CSMD1: variants seen among roughly 807,000 people sequenced by gnomAD.
CSMD1 encodes the protein CUB and Sushi multiple domains 1.
Under a neutral mutation model 417.5 loss-of-function variants are expected in CSMD1, and 213 were observed. The observed-to-expected ratio is 0.51, with a 90% confidence interval of 0.46 to 0.57. CSMD1 has a LOEUF of 0.57. CSMD1 is among the 20% of genes least tolerant of loss of function. CSMD1 has a pLI of 0.00. For synonymous variants in CSMD1, 2,862 were observed against 1,736.8 expected (o/e 1.65, Z -16.11); for missense variants, 6,923 against 4,529.7 (o/e 1.53, Z -15.17).
At chr8:3,323,783 C>A (rs977374757) in intron 23 of CSMD1, among the ~76,000 whole-genome samples, 3 of 137,188 alleles carry the variant, frequency 2.2e-5, no homozygotes, top group Admixed American at 8.0e-5. Context: ...AATAGGCCCA[C>A]ATCCAACCCC....
intron 3 of CSMD1, among the ~76,000 whole-genome samples, chr8:4,066,659 T>C (rs796245726): frequency 2.6e-5 from 4 of 152,180 alleles, no homozygotes; most frequent in Admixed American, 2.6e-4. Flanking sequence ...TTTTTGCTCA[T>C]CAAACCAAGA....
intron 3 of CSMD1, among the ~76,000 whole-genome samples, chr8:4,342,235 GTGTGTGTGTGTGTGT>G (rs1563074090): frequency 6.6e-6 from 1 of 151,244 alleles, no homozygotes; most frequent in Non-Finnish European, 1.5e-5. Flanking sequence ...GTGTGTGTCT[GTGTGTGTGTGTGTGT>G]CTCTGTATGT....
chr8:3,149,728 C>T (rs935634956), intron 40 of CSMD1, among the ~76,000 whole-genome samples: 4 of 152,140 alleles, frequency 2.6e-5, no homozygotes, highest in Non-Finnish European at 4.4e-5. Flanking sequence ...CACCGGCCTT[C>T]GCCTCCCAAT....
intron 3 of CSMD1, among the ~76,000 whole-genome samples, chr8:4,289,671 C>T (rs374971612): frequency 6.6e-6 from 1 of 152,162 alleles, no homozygotes; most frequent in Non-Finnish European, 1.5e-5. Flanking sequence ...GTAACATGTG[C>T]TCAAGACATG....
chr8:4,131,503 A>G (rs1336948138), intron 3 of CSMD1, among the ~76,000 whole-genome samples: 1 of 152,208 alleles, frequency 6.6e-6, no homozygotes, highest in Non-Finnish European at 1.5e-5. Flanking sequence ...CCCCTTGGAT[A>G]TTCACTAAAC....
At chr8:4,912,402 G>T (rs992125639) in intron 1 of CSMD1, among the ~76,000 whole-genome samples, 5 of 151,534 alleles carry the variant, frequency 3.3e-5, no homozygotes, top group African/African-American at 1.2e-4. Context: ...TTGCTGTGGG[G>T]TTGTCTAGAT....
At chr8:3,043,689 T>C (rs527266333) in intron 50 of CSMD1, 1 of 152,144 alleles carries the variant, frequency 6.6e-6, no homozygotes, top group African/African-American at 2.4e-5. Context: ...CACACATTTA[T>C]TAAACATATT....
At chr8:4,070,206 G>C (rs922429179) in intron 3 of CSMD1, among the ~76,000 whole-genome samples, 2 of 151,540 alleles carry the variant, frequency 1.3e-5, no homozygotes, top group Non-Finnish European at 2.9e-5. Context: ...TTTTTTCTGT[G>C]TTTCTTGTCT....
chr8:4,624,792 C>A (rs1802001547), intron 2 of CSMD1, among the ~76,000 whole-genome samples: 1 of 152,138 alleles, frequency 6.6e-6, no homozygotes. Flanking sequence ...TGACCCTAGT[C>A]AAGTCCAGAA....
intron 1 of CSMD1, among the ~76,000 whole-genome samples, chr8:4,729,766 C>A (rs540792125): frequency 2.0e-4 from 31 of 152,282 alleles, no homozygotes; most frequent in African/African-American, 6.5e-4. Flanking sequence ...TCATAAACAA[C>A]TTAACACATG....
intron 5 of CSMD1, among the ~76,000 whole-genome samples, chr8:3,979,378 G>A (rs770679691): frequency 2.0e-5 from 3 of 152,206 alleles, no homozygotes; most frequent in Non-Finnish European, 2.9e-5. Flanking sequence ...AGGACAGCTG[G>A]AGGAGACATC....
chr8:3,195,040 G>C (rs962941366), intron 33 of CSMD1, among the ~76,000 whole-genome samples: 1 of 152,172 alleles, frequency 6.6e-6, no homozygotes, highest in Non-Finnish European at 1.5e-5. Context: ...GTAAATCCTT[G>C]CAGTTTACTC....
At chr8:3,316,767 A>G (rs1037838531) in intron 23 of CSMD1, among the ~76,000 whole-genome samples, 2 of 152,220 alleles carry the variant, frequency 1.3e-5, no homozygotes, top group African/African-American at 4.8e-5. Context: ...CTGCAGCACC[A>G]AGGAGTGGAG....
chr8:4,023,152 C>T (rs1240225885), intron 4 of CSMD1, among the ~76,000 whole-genome samples: 1 of 152,176 alleles, frequency 6.6e-6, no homozygotes, highest in Non-Finnish European at 1.5e-5. Context: ...AACTGCCCAT[C>T]ACAACTCAAG....
intron 3 of CSMD1, among the ~76,000 whole-genome samples, chr8:4,277,485 G>C (rs1048232496): frequency 3.9e-5 from 6 of 151,994 alleles, no homozygotes; most frequent in Non-Finnish European, 8.8e-5. Context: ...TCTTAAAAAA[G>C]CATATTCTCA....
intron 1 of CSMD1, among the ~76,000 whole-genome samples, chr8:4,802,276 G>A (rs750728007): frequency 6.6e-6 from 1 of 152,100 alleles, no homozygotes. Flanking sequence ...CCTCAGCCAA[G>A]GCTTCGTGGT....
intron 2 of CSMD1, among the ~76,000 whole-genome samples, chr8:4,463,216 G>T (rs577763828): frequency 6.6e-6 from 1 of 152,110 alleles, no homozygotes; most frequent in Non-Finnish European, 1.5e-5. Context: ...TCAAGGAAAT[G>T]CAAATCAAAG....
intron 10 of CSMD1, among the ~76,000 whole-genome samples, chr8:3,504,548 C>T (rs143744182): frequency 6.6e-6 from 1 of 152,332 alleles, no homozygotes; most frequent in East Asian, 1.9e-4. Flanking sequence ...CAGACCCAGG[C>T]ACATTCTGCC....
intron 26 of CSMD1, among the ~76,000 whole-genome samples, chr8:3,261,604 C>T (rs149738681): frequency 2.6e-5 from 4 of 152,260 alleles, no homozygotes; most frequent in Admixed American, 2.0e-4. Context: ...CCCAGGTGTC[C>T]TTCGGCGGTG....
Sources: gnomAD v4.1 joint callset for allele counts (sites outside exome capture counted in the v4.1 genomes callset) on GRCh38, gnomAD v4.1.1 for gene constraint, MANE v1.5 for transcripts, NCBI Gene and HGNC (gene_info 2026-07-23, HGNC 2026-07-21) for gene names.